TRDN: variants seen among roughly 807,000 people sequenced by gnomAD.
TRDN encodes triadin in skeletal muscle.
TRDN carries 161 observed loss-of-function variants against 149.7 expected under a neutral mutation model. The ratio of observed to expected loss-of-function variants is 1.08; its 90% CI spans 0.95 to 1.23. The LOEUF is 1.23. Ranked by LOEUF, TRDN falls within the 50% of genes most tolerant of loss-of-function variation. The pLI, the probability that TRDN is intolerant of heterozygous loss-of-function variation, is 0.00. For synonymous variants in TRDN, 294 were observed against 250.5 expected (o/e 1.17, Z -1.64); for missense variants, 896 against 823.5 (o/e 1.09, Z -1.08).
chr6:123,380,498 G>A (rs1466504835), intron 16 of TRDN, among the ~76,000 whole-genome samples: 1 of 152,134 alleles, frequency 6.6e-6, no homozygotes, highest in Non-Finnish European at 1.5e-5. Flanking sequence ...CCCCCTGGCT[G>A]AGTTGTAGTA....
intron 11 of TRDN, 150 bp from the exon 12 acceptor site, chr6:123,438,272 C>T (rs560274749): frequency 3.2e-6 from 2 of 623,658 alleles, no homozygotes; most frequent in African/African-American, 3.9e-5. Flanking sequence ...AATAAGGTAG[C>T]ACCTTCATAA....
chr6:123,441,698 T>A lies in TRDN; in HGVS notation c.932-2695A>T, dbSNP rs572258349. Among the ~76,000 whole-genome samples the A allele has an allele frequency of 4.6e-5, 7 of 152,322 alleles. No homozygotes were observed. In the South Asian group the frequency reaches 1.5e-3, roughly 32 times the overall value. On this transcript the variant is annotated intron_variant, in intron 10 of 40. Coordinates refer to ENST00000334268, the MANE Select transcript of TRDN (RefSeq NM_006073.4). ...GGCTTTTCTCTTGCTTTTAAATGTTTTTTATGCCATCTCAAAGCCAGACAA... is the reference window on the plus strand; with the variant it reads ...GGCTTTTCTCTTGCTTTTAAATGTTATTTATGCCATCTCAAAGCCAGACAA...
intron 21 of TRDN, among the ~76,000 whole-genome samples, chr6:123,347,343 G>A (rs762094767): frequency 2.0e-5 from 3 of 151,956 alleles, no homozygotes; most frequent in African/African-American, 7.2e-5. Context: ...CTTATCTCCA[G>A]AGACATTAAG....
At chr6:123,378,400 C>G (rs1368005405) in intron 16 of TRDN, among the ~76,000 whole-genome samples, 1 of 151,988 alleles carries the variant, frequency 6.6e-6, no homozygotes, top group African/African-American at 2.4e-5. Flanking sequence ...CAACCTCGGC[C>G]TCCCAGGTAG....
At chr6:123,343,139 G>A (rs1350178505) in intron 21 of TRDN, among the ~76,000 whole-genome samples, 3 of 151,998 alleles carry the variant, frequency 2.0e-5, no homozygotes, top group East Asian at 1.9e-4. Context: ...AGAAAATTAC[G>A]TATATTTAAA....
intron 7 of TRDN, among the ~76,000 whole-genome samples, chr6:123,508,573 T>C (rs148100843): frequency 9.9e-5 from 15 of 152,250 alleles, no homozygotes; most frequent in Middle Eastern, 3.4e-3. Flanking sequence ...TTCATCATTG[T>C]TTTCTTCTTT....
rs182577002 is a variant in TRDN, at chr6:123,542,557, T to A, written c.424+4783A>T. ...TTCCAAAGGATATAAATGCTGTAAT[T>A]ATTATTCTTATATACAGATATATTA... On this transcript the variant is annotated intron_variant, in intron 4 of 40. Coordinates refer to ENST00000334268, the MANE Select transcript of TRDN (RefSeq NM_006073.4). Among the ~76,000 whole-genome samples, 8 of 152,300 alleles carry A rather than the reference T, an allele frequency of 5.3e-5. No homozygotes were observed. In the East Asian group the frequency reaches 1.5e-3, roughly 29 times the overall value.
At chr6:123,344,300 T>C (rs1036409404) in intron 21 of TRDN, among the ~76,000 whole-genome samples, 6 of 152,052 alleles carry the variant, frequency 3.9e-5, no homozygotes, top group African/African-American at 1.4e-4. Flanking sequence ...GTCCATAGTT[T>C]ACATTAGGGT....
intron 1 of TRDN, 72 bp downstream of exon 1, chr6:123,636,682 G>C: frequency 6.5e-7 from 1 of 1,548,734 alleles, no homozygotes; most frequent in South Asian, 1.1e-5. Flanking sequence ...TGGACACATC[G>C]ACAGTTAATG....
intron 19 of TRDN, among the ~76,000 whole-genome samples, chr6:123,374,550 ATG>A (rs1467939646): frequency 6.6e-6 from 1 of 152,134 alleles, no homozygotes; most frequent in Admixed American, 6.6e-5. Flanking sequence ...CTCAATGTCT[ATG>A]TGTATACTTC....
At chr6:123,381,321 ATAG>A in intron 16 of TRDN, 46 bp downstream of exon 16, 1 of 1,518,468 alleles carries the variant, frequency 6.6e-7, no homozygotes. Flanking sequence ...CAGGCAAATA[ATAG>A]TAGTAAAAAA....
intron 38 of TRDN, among the ~76,000 whole-genome samples, chr6:123,245,638 T>G (rs1246586043): frequency 6.6e-6 from 1 of 152,070 alleles, no homozygotes. Context: ...CACACAATAA[T>G]AGTGGGAAAC....
chr6:123,499,719 A>AAAAAAAAAAAAAAAAAAATATATATATAT, intron 8 of TRDN, among the ~76,000 whole-genome samples: 1 of 47,672 alleles, frequency 2.1e-5, no homozygotes. Flanking sequence ...AAAAAAAAAA[A>AAAAAAAAAAAAAAAAAAATATATATATAT]ATATATATAT....
intron 10 of TRDN, among the ~76,000 whole-genome samples, chr6:123,445,963 A>G (rs892547167): frequency 6.9e-6 from 1 of 145,224 alleles, no homozygotes; most frequent in Admixed American, 6.7e-5. Context: ...ATTATTCACG[A>G]TAGCAAAGAC....
At chr6:123,581,230 C>T (rs1012195010) in intron 1 of TRDN, among the ~76,000 whole-genome samples, 2 of 152,210 alleles carry the variant, frequency 1.3e-5, no homozygotes, top group African/African-American at 2.4e-5. Context: ...TCTAACTCCT[C>T]TTCCAAGATT....
intron 1 of TRDN, among the ~76,000 whole-genome samples, chr6:123,619,253 G>C (rs1250094866): frequency 1.3e-5 from 2 of 152,126 alleles, no homozygotes; most frequent in Non-Finnish European, 2.9e-5. Flanking sequence ...TTGTAATTTG[G>C]TTAGAGTTCA....
At chr6:123,300,229 A>T (rs1778353275) in intron 24 of TRDN, among the ~76,000 whole-genome samples, 1 of 151,976 alleles carries the variant, frequency 6.6e-6, no homozygotes, top group African/African-American at 2.4e-5. Context: ...TTTATTTTTT[A>T]AAAGGAAAGA....
intron 2 of TRDN, among the ~76,000 whole-genome samples, chr6:123,557,116 A>C (rs113395161): frequency 0.041 from 4,717 of 115,964 alleles, 106 homozygotes; most frequent in African/African-American, 0.087. Flanking sequence ...TTACCTACCC[A>C]AATCTTATAA....
intron 24 of TRDN, among the ~76,000 whole-genome samples, chr6:123,293,435 C>T (rs1422431675): frequency 6.6e-6 from 1 of 152,100 alleles, no homozygotes; most frequent in Non-Finnish European, 1.5e-5. Context: ...GATTCAACTA[C>T]AGTTGGCAAG....
Sources: allele counts gnomAD v4.1 joint callset (sites outside exome capture counted in the v4.1 genomes callset), GRCh38; gene constraint gnomAD v4.1.1; transcripts MANE v1.5; gene names NCBI Gene and HGNC (gene_info 2026-07-23, HGNC 2026-07-21).